SLC12A1: variants seen among roughly 807,000 people sequenced by gnomAD.
SLC12A1 encodes solute carrier family 12 member 1, also known as Na-K-2Cl cotransporter.
Under a neutral mutation model 130.4 loss-of-function variants are expected in SLC12A1, and 89 were observed. The observed-to-expected ratio is 0.68, with a 90% CI of 0.58 to 0.81. The LOEUF (loss-of-function observed/expected upper bound fraction) is 0.81, where lower values mean the gene tolerates loss of function less well. Ranked by LOEUF, SLC12A1 falls within the 40% of genes least tolerant of loss-of-function variation. SLC12A1 has a pLI of 0.00. For synonymous variants in SLC12A1, 499 were observed against 460.0 expected (o/e 1.08, Z -1.09); for missense variants, 1,310 against 1,336.4 (o/e 0.98, Z 0.31).
chr15:48,229,052 G>A (rs1225392520), intron 5 of SLC12A1, 137 bp from the exon 6 acceptor site: 5 of 923,924 alleles, frequency 5.4e-6, no homozygotes, highest in Admixed American at 2.8e-5. Flanking sequence ...GGTAACACAG[G>A]ATTCCTAAAA....
intron 23 of SLC12A1, 133 bp from the exon 24 acceptor site, chr15:48,291,645 C>A: frequency 1.5e-6 from 1 of 655,356 alleles, no homozygotes; most frequent in South Asian, 1.7e-5. Flanking sequence ...AAACACCAAC[C>A]AAAAAGCCTC....
At chr15:48,295,243 G>A (rs1359776078) in intron 24 of SLC12A1, among the ~76,000 whole-genome samples, 1 of 152,112 alleles carries the variant, frequency 6.6e-6, no homozygotes, top group African/African-American at 2.4e-5. Context: ...TCTCCTTGCT[G>A]TTGTTGGTCT....
At chr15:48,255,778 GTTT>G in intron 15 of SLC12A1, 30 bp from the exon 16 acceptor site, 1 of 1,368,530 alleles carries the variant, frequency 7.3e-7, no homozygotes, top group Non-Finnish European at 1.0e-6. Flanking sequence ...AAAGGTCAGT[GTTT>G]TTTATGCCAA....
chr15:48,284,986 C>T (rs139666763), intron 20 of SLC12A1, 120 bp from the exon 21 acceptor site: 25 of 661,528 alleles, frequency 3.8e-5, no homozygotes, highest in Non-Finnish European at 5.3e-5. Context: ...GAAAAAATTA[C>T]TATGTATAAA....
chr15:48,226,303 T>G, intron 4 of SLC12A1, 173 bp from the exon 5 acceptor site: 1 of 544,620 alleles, frequency 1.8e-6, no homozygotes. Flanking sequence ...TGAGCAGTTC[T>G]CTGACTTGGT....
At chr15:48,249,809 C>A in intron 14 of SLC12A1, 133 bp downstream of exon 14, 1 of 663,812 alleles carries the variant, frequency 1.5e-6, no homozygotes, top group South Asian at 2.1e-5. Flanking sequence ...GCGTAATCCA[C>A]TTTATTTTGG....
intron 17 of SLC12A1, among the ~76,000 whole-genome samples, chr15:48,263,360 T>C (rs541843804): frequency 6.6e-6 from 1 of 152,302 alleles, no homozygotes; most frequent in East Asian, 1.9e-4. Flanking sequence ...CTTTCAGGTT[T>C]ACAGTGGCAT....
chr15:48,220,700 C>A lies in SLC12A1; in HGVS notation c.487C>A (p.Gln163Lys). 2 of 1,613,760 alleles carry A rather than the reference C, an allele frequency of 1.2e-6. No homozygotes were observed. The highest frequency in any genetic ancestry group is 8.5e-7 in the Non-Finnish European group (1 of 1,179,796). ...ANGDGIPGDE[Q>K]AENKEDDQAG... is the part of the protein sequence containing the mutation. ...CGGTGATGGGATACCTGGAGATGAA[C>A]AAGCTGAAAATAAGGAAGATGATCA... is the stretch of plus-strand genomic sequence containing the variant. Residue 163 changes from glutamine to lysine, a missense_variant, in exon 3 of 27, where the codon CAA (glutamine) becomes AAA (lysine). Transcript: ENST00000380993.
chr15:48,292,606 C>T (rs933493283), intron 24 of SLC12A1, among the ~76,000 whole-genome samples: 4 of 152,104 alleles, frequency 2.6e-5, no homozygotes, highest in African/African-American at 7.2e-5. Flanking sequence ...ACAGTTCTGG[C>T]GAAGTTCTGG....
chr15:48,246,759 G>A (rs902466710), intron 11 of SLC12A1, 150 bp from the exon 12 acceptor site: 19 of 704,384 alleles, frequency 2.7e-5, no homozygotes, highest in Middle Eastern at 2.9e-4. Flanking sequence ...CAGCCTGGGC[G>A]ATAGAGCGAG....
intron 8 of SLC12A1, among the ~76,000 whole-genome samples, chr15:48,234,160 TTATGG>T (rs1467077100): frequency 6.6e-6 from 1 of 152,140 alleles, no homozygotes; most frequent in Non-Finnish European, 1.5e-5. Context: ...TGTTGATTGT[TTATGG>T]TATTTATGCA....
chr15:48,275,433 A>G (rs1383875975), intron 20 of SLC12A1, among the ~76,000 whole-genome samples: 1 of 152,162 alleles, frequency 6.6e-6, no homozygotes, highest in South Asian at 2.1e-4. Context: ...GAGACACACA[A>G]CCTAGTAAGG....
At chr15:48,206,514 T>C (rs923395872) in intron 1 of SLC12A1, among the ~76,000 whole-genome samples, 184 bp downstream of exon 1, 2 of 152,252 alleles carry the variant, frequency 1.3e-5, no homozygotes, top group African/African-American at 4.8e-5. Flanking sequence ...GTTGAGGGTT[T>C]TTTTAATTCA....
At chr15:48,210,060 C>T (rs1555463785) in intron 2 of SLC12A1, among the ~76,000 whole-genome samples, 6 of 151,990 alleles carry the variant, frequency 3.9e-5, no homozygotes, top group Admixed American at 1.3e-4. Flanking sequence ...AATCCAGCTG[C>T]GGTGTCACTG....
intron 26 of SLC12A1, among the ~76,000 whole-genome samples, chr15:48,301,940 G>T (rs903103342): frequency 6.6e-6 from 1 of 152,176 alleles, no homozygotes; most frequent in Admixed American, 6.5e-5. Context: ...AATCTCTAAT[G>T]ACTTCACATT....
chr15:48,290,493 A>G (rs993443413), intron 23 of SLC12A1, among the ~76,000 whole-genome samples: 6 of 152,196 alleles, frequency 3.9e-5, no homozygotes, highest in African/African-American at 1.2e-4. Flanking sequence ...TGTATGTGCT[A>G]TATTTTTATA....
chr15:48,207,558 T>C lies in SLC12A1; in HGVS notation c.-162T>C. 2.0e-6 allele frequency: 1 copy of C among 489,036 alleles called. No homozygotes were observed. The highest frequency in any genetic ancestry group is 3.5e-6 in the Non-Finnish European group (1 of 289,584). The allele number at this position is 489,036 out of a possible 1,614,324, so 30.3% of individuals were successfully genotyped here. A position where few individuals can be genotyped will look rare whatever the true frequency, so the allele number is the denominator to read the frequency against. On this transcript the variant is annotated 5_prime_UTR_variant, in exon 2 of 27. Transcript: ENST00000380993. ...GCTTTGAAGAACATCCTGAAGATTATATCGGAGACAATATATCAAGAATCT... is the reference window on the plus strand; with the variant it reads ...GCTTTGAAGAACATCCTGAAGATTACATCGGAGACAATATATCAAGAATCT...
At chr15:48,279,303 CTA>C (rs2041986897) in intron 20 of SLC12A1, among the ~76,000 whole-genome samples, 2 of 152,122 alleles carry the variant, frequency 1.3e-5, no homozygotes, top group East Asian at 3.8e-4. Context: ...TTGCATTATA[CTA>C]TGTTAATGAT....
At chr15:48,222,367 A>G (rs1238514092) in intron 4 of SLC12A1, 1 of 152,182 alleles carries the variant, frequency 6.6e-6, no homozygotes, top group Non-Finnish European at 1.5e-5. Context: ...ATTACTCTTC[A>G]CAGTCAACCC....
Sources: gnomAD v4.1 joint callset for allele counts (sites outside exome capture counted in the v4.1 genomes callset) on GRCh38, gnomAD v4.1.1 for gene constraint, MANE v1.5 for transcripts, NCBI Gene and HGNC (gene_info 2026-07-23, HGNC 2026-07-21) for gene names.